The following OSGIN2 variants were observed in gnomAD, a reference collection of about 807,000 sequenced individuals.
The protein encoded by OSGIN2 is oxidative stress-induced growth inhibitor 2.
In OSGIN2, 19 loss-of-function variants were observed where a neutral mutation model predicts 53.8. The observed-to-expected ratio is 0.35, with a 90% confidence interval of 0.25 to 0.52. The LOEUF is 0.52. Among genes scored for constraint, OSGIN2 ranks in the 20% least tolerant of loss-of-function variants. OSGIN2 has a pLI of 0.95. For missense variants in OSGIN2, 520 were observed against 662.7 expected (o/e 0.78, Z 2.36); for synonymous variants, 236 against 236.0 (o/e 1.00, Z 0.00).
Position 89,925,370 on chromosome 8 carries a change from G to A in OSGIN2, c.1488G>A (p.Glu496=). The change falls in exon 6 of 6, where the codon GAG becomes GAA. Residue 496 remains glutamate (E), a synonymous_variant. Coordinates refer to ENST00000451899, the MANE Select transcript of OSGIN2 (RefSeq NM_001126111.3). ...TGGAAATAGATACATATACCTATGA[G>A]TGTATTAAAGAAGCCAACCTTTTTG... ...NPVEIDTYTY[E]CIKEANLFAL... The A allele has an allele frequency of 1.2e-6, 2 of 1,614,142 alleles. No homozygotes were observed. The highest frequency in any genetic ancestry group is 1.7e-6 in the Non-Finnish European group (2 of 1,179,994).
chr8:89,924,370 G>T, intron 5 of OSGIN2, 133 bp from the exon 6 acceptor site: 3 of 616,264 alleles, frequency 4.9e-6, no homozygotes, highest in African/African-American at 1.9e-5. Flanking sequence ...TTTTTTTTAA[G>T]TGTTAGGATA....
At chr8:89,912,735 ACT>A (rs1192058005) in intron 2 of OSGIN2, among the ~76,000 whole-genome samples, 6 of 150,390 alleles carry the variant, frequency 4.0e-5, no homozygotes, top group African/African-American at 1.2e-4. Context: ...ACACAGCGAG[ACT>A]CTGTCTGAAA....
rs1387956963 is a variant in OSGIN2, at chr8:89,902,751, C to A, written c.-43C>A. 3.8e-5 allele frequency: 45 copies of A among 1,170,672 alleles called. No individual in the cohort carries two copies. Among genetic ancestry groups the A allele is most frequent in the Non-Finnish European group, 1.1e-6 (1 of 937,506 alleles). 72.5% of individuals were successfully genotyped at this position (1,170,672 alleles called of 1,614,324 possible). On this transcript the variant is annotated 5_prime_UTR_variant, in exon 1 of 6. Coordinates refer to ENST00000451899, the MANE Select transcript of OSGIN2 (RefSeq NM_001126111.3). ...GCAGCCTCGCCGGGGGAGGCGGAGG[C>A]GGCCACGGCGGCCGCGCTCGGGCGC... is the stretch of plus-strand genomic sequence containing the variant.
At chr8:89,914,819 C>A in intron 4 of OSGIN2, 73 bp downstream of exon 4, 1 of 1,037,068 alleles carries the variant, frequency 9.6e-7, no homozygotes, top group Non-Finnish European at 1.5e-6. Flanking sequence ...TATTCTTAAG[C>A]ATTATGATAA....
intron 1 of OSGIN2, among the ~76,000 whole-genome samples, chr8:89,904,822 A>C (rs1808801692): frequency 6.6e-6 from 1 of 152,184 alleles, no homozygotes; most frequent in Admixed American, 6.5e-5. Context: ...AAAAAACAAA[A>C]AACACACAAA....
At chr8:89,916,413 G>T (rs945820108) in intron 4 of OSGIN2, among the ~76,000 whole-genome samples, 1 of 152,132 alleles carries the variant, frequency 6.6e-6, no homozygotes, top group African/African-American at 2.4e-5. Context: ...CTGTGTACCA[G>T]TTGCCAGTCA....
chr8:89,925,341 C>A lies in OSGIN2; in HGVS notation c.1459C>A (p.Pro487Thr). The A allele has an allele frequency of 6.2e-7, 1 of 1,614,080 alleles. No individual in the cohort carries two copies. Among genetic ancestry groups the A allele is most frequent in the East Asian group, 2.2e-5 (1 of 44,878 alleles). ...SSQPITCKGN[P>T]VEIDTYTYEC... The stretch of plus-strand genomic sequence containing the variant: ...CCAGCCAATCACATGTAAGGGTAAT[C>A]CTGTGGAAATAGATACATATACCTA... The change falls in exon 6 of 6, where the codon CCT becomes ACT. Residue 487 changes from proline to threonine, a missense_variant. Physicochemically the swap from Pro to Thr is conservative, Grantham distance 38. Coordinates refer to ENST00000451899, the MANE Select transcript of OSGIN2 (RefSeq NM_001126111.3).
Position 89,914,197 on chromosome 8 carries a change from T to G in OSGIN2, c.320T>G (p.Leu107Arg). The change falls in exon 3 of 6, where the codon CTT becomes CGT. Residue 107 changes from leucine to arginine, a missense_variant. This residue lies in a region of OSGIN2 where 203 missense variants were observed against 275.3 expected (regional missense o/e 0.74). Coordinates refer to ENST00000451899, the MANE Select transcript of OSGIN2 (RefSeq NM_001126111.3). ...LNSKLEEARH[L>R]SIVDQDLEYL... is the part of the protein sequence containing the mutation. ...AGTAAATTAGAAGAAGCAAGACATCTTTCCATTGTTGATCAGGTATTATTT... is the reference window on the plus strand; with the variant it reads ...AGTAAATTAGAAGAAGCAAGACATCGTTCCATTGTTGATCAGGTATTATTT... 6.3e-7 allele frequency: 1 copy of G among 1,599,580 alleles called. No individual in the cohort carries two copies. The highest frequency in any genetic ancestry group is 8.5e-7 in the Non-Finnish European group (1 of 1,170,188).
intron 1 of OSGIN2, among the ~76,000 whole-genome samples, chr8:89,907,701 C>T (rs534908040): frequency 5.3e-5 from 8 of 152,172 alleles, no homozygotes; most frequent in Admixed American, 2.0e-4. Flanking sequence ...TGATGCTTCC[C>T]GCTTTGTTCT....
At position 89,925,503 on chromosome 8, in the gene OSGIN2, G is replaced by GA. The variant is rs769116791; in HGVS notation, c.1624dup (p.Arg542LysfsTer15). On this transcript the variant is annotated frameshift_variant, in exon 6 of 6. Coordinates refer to ENST00000451899, the MANE Select transcript of OSGIN2 (RefSeq NM_001126111.3). LOFTEE classifies it high-confidence loss of function. ...ACAGAAGAAAAAGCATTTGTTTGTT[G>GA]AAAGAGGAGGAGGAGATGGGATAGC... 2 of 1,613,860 alleles carry GA rather than the reference G, an allele frequency of 1.2e-6. No individual in the cohort carries two copies. The highest frequency in any genetic ancestry group is 3.3e-5 in the Admixed American group (2 of 59,988).
intron 1 of OSGIN2, among the ~76,000 whole-genome samples, chr8:89,903,176 T>TA (rs1406220719): frequency 5.3e-5 from 8 of 151,594 alleles, no homozygotes; most frequent in East Asian, 1.9e-4. Context: ...CCTGCCTCCC[T>TA]AAAAAAAAAT....
intron 2 of OSGIN2, among the ~76,000 whole-genome samples, chr8:89,911,995 T>C (rs1808978460): frequency 6.6e-6 from 1 of 152,246 alleles, no homozygotes; most frequent in Non-Finnish European, 1.5e-5. Flanking sequence ...TTTCAGTCTT[T>C]AAGGCTTCCT....
intron 4 of OSGIN2, 50 bp downstream of exon 4, chr8:89,914,796 A>G (rs751324314): frequency 1.3e-5 from 17 of 1,298,824 alleles, no homozygotes; most frequent in South Asian, 6.2e-5. Context: ...ATTTGTCTTG[A>G]TAAGACCAAC....
chr8:89,925,754 G>T lies in OSGIN2; in HGVS notation c.*222G>T. ...GACAAATAGAAACACTGCCAACTTG[G>T]TGTAACTTAAGCTTTCATTTAACTA... On this transcript the variant is annotated 3_prime_UTR_variant, in exon 6 of 6. Coordinates refer to ENST00000451899, the MANE Select transcript of OSGIN2 (RefSeq NM_001126111.3). The T allele has an allele frequency of 2.2e-6, 1 of 450,746 alleles. No homozygotes were observed. Among genetic ancestry groups the T allele is most frequent in the East Asian group, 3.3e-5 (1 of 30,270 alleles). The allele number at this position is 450,746 out of a possible 1,614,324, so 27.9% of individuals were successfully genotyped here.
rs1554552207 is a variant in OSGIN2 at position 89,927,080 on chromosome 8, A to G, written c.*1548A>G. On this transcript the variant is annotated 3_prime_UTR_variant, in exon 6 of 6. Coordinates refer to ENST00000451899, the MANE Select transcript of OSGIN2 (RefSeq NM_001126111.3). The stretch of plus-strand genomic sequence containing the variant: ...CAAACCAGTTTCACATCTTAATGAA[A>G]TAACATTCTCTGACTGCACTTGCTT... The G allele has an allele frequency of 1.3e-5, 2 of 152,180 alleles. No homozygotes were observed. The highest frequency in any genetic ancestry group is 2.9e-5 in the Non-Finnish European group (2 of 68,016). 9.4% of individuals were successfully genotyped at this position (152,180 alleles called of 1,614,324 possible). A position where few individuals can be genotyped will look rare whatever the true frequency, so the allele number is the denominator to read the frequency against.
chr8:89,906,164 C>T (rs573839267), intron 1 of OSGIN2, among the ~76,000 whole-genome samples: 3 of 152,144 alleles, frequency 2.0e-5, no homozygotes, highest in Non-Finnish European at 2.9e-5. Flanking sequence ...TGTTTCATCA[C>T]GCAGGTATTA....
Position 89,924,611 on chromosome 8 carries a change from T to A in OSGIN2, c.729T>A (p.Thr243=). The A allele has an allele frequency of 6.2e-7, 1 of 1,613,916 alleles. No individual in the cohort carries two copies. Among genetic ancestry groups the A allele is most frequent in the Non-Finnish European group, 8.5e-7 (1 of 1,179,786 alleles). The stretch of plus-strand genomic sequence containing the variant: ...ATTTCAGAGAGAATACTTACATAAC[T>A]TCCGTATCAAGACTCTACAGAGATC... The part of the protein sequence containing the change: ...QKNFRENTYI[T]SVSRLYRDQD... Residue 243 remains threonine, a synonymous_variant, in exon 6 of 6, where the codon ACT becomes ACA. Coordinates refer to ENST00000451899, the MANE Select transcript of OSGIN2 (RefSeq NM_001126111.3).
rs761020343 is a variant in OSGIN2, at chr8:89,927,323, A to G, written c.*1791A>G. 6.6e-5 allele frequency: 10 copies of G among 151,908 alleles called. No homozygotes were observed. The highest frequency in any genetic ancestry group is 1.5e-4 in the Non-Finnish European group (10 of 67,984). 9.4% of individuals were successfully genotyped at this position (151,908 alleles called of 1,614,324 possible). ...AAAAAAAAAAGACTTCAAGAAAAAT[A>G]AAAGTTCAGTGGAGCTGCAAATAAA... On this transcript the variant is annotated 3_prime_UTR_variant, in exon 6 of 6. Coordinates refer to ENST00000451899, the MANE Select transcript of OSGIN2 (RefSeq NM_001126111.3).
At chr8:89,910,746 G>A (rs1486007992) in intron 2 of OSGIN2, among the ~76,000 whole-genome samples, 1 of 152,132 alleles carries the variant, frequency 6.6e-6, no homozygotes, top group Non-Finnish European at 1.5e-5. Flanking sequence ...TAGGCTGTGG[G>A]AAGGTCAGAA....
Sources: allele counts gnomAD v4.1 joint callset (sites outside exome capture counted in the v4.1 genomes callset), GRCh38; gene constraint gnomAD v4.1.1; regional missense constraint gnomAD v4.1.1; transcripts MANE v1.5; gene names NCBI Gene and HGNC (gene_info 2026-07-23, HGNC 2026-07-21).